Variants in MCF2L2 observed in about 807,000 individuals in gnomAD.
The protein encoded by MCF2L2 is probable guanine nucleotide exchange factor MCF2L2.
In MCF2L2, 102 loss-of-function variants were observed where a neutral mutation model predicts 150.2. That is an observed-to-expected ratio of 0.68 (90% CI 0.58 to 0.80). The LOEUF (loss-of-function observed/expected upper bound fraction) is 0.80, where lower values mean the gene tolerates loss of function less well. Among genes scored for constraint, MCF2L2 ranks in the 30% least tolerant of loss-of-function variants. The pLI is 0.00. For synonymous variants in MCF2L2, 465 were observed against 491.3 expected (o/e 0.95, Z 0.71); for missense variants, 1,256 against 1,372.8 (o/e 0.91, Z 1.34).
At chr3:183,220,972 C>T (rs1401702599) in intron 20 of MCF2L2, among the ~76,000 whole-genome samples, 1 of 152,208 alleles carries the variant, frequency 6.6e-6, no homozygotes, top group Non-Finnish European at 1.5e-5. Flanking sequence ...TATCACTCAT[C>T]ACCCTCTCCC....
At chr3:183,263,428 A>G (rs930423306) in intron 15 of MCF2L2, among the ~76,000 whole-genome samples, 15 of 152,116 alleles carry the variant, frequency 9.9e-5, no homozygotes, top group African/African-American at 3.6e-4. Flanking sequence ...TTCCCCACTT[A>G]GAGCTCCAAG....
At chr3:183,364,606 C>G (rs548141927) in intron 3 of MCF2L2, among the ~76,000 whole-genome samples, 1 of 151,822 alleles carries the variant, frequency 6.6e-6, no homozygotes, top group South Asian at 2.1e-4. Flanking sequence ...AATCAAATTC[C>G]TACTTTTAAA....
intron 5 of MCF2L2, among the ~76,000 whole-genome samples, chr3:183,323,750 T>C (rs1389070876): frequency 6.7e-6 from 1 of 148,682 alleles, no homozygotes; most frequent in Non-Finnish European, 1.5e-5. Context: ...CAAACAGTGA[T>C]CGCACCATGG....
chr3:183,406,173 C>T (rs955698333), intron 1 of MCF2L2, among the ~76,000 whole-genome samples: 1 of 152,166 alleles, frequency 6.6e-6, no homozygotes, highest in Non-Finnish European at 1.5e-5. Flanking sequence ...AACTGTTTTC[C>T]AACATGGCTG....
At position 183,310,131 on chromosome 3, in the gene MCF2L2, C is replaced by G. The variant is rs1408184877; in HGVS notation, c.994-296G>C. On this transcript the variant is annotated intron_variant, in intron 9 of 29. Coordinates refer to ENST00000328913, the MANE Select transcript of MCF2L2 (RefSeq NM_015078.4). ...ATCACAGCACTTTGGGAGGCTGAGGCAGGAGGATTGTTTGTGCTTGGAAGT... is the reference window on the plus strand; with the variant it reads ...ATCACAGCACTTTGGGAGGCTGAGGGAGGAGGATTGTTTGTGCTTGGAAGT... Among the ~76,000 whole-genome samples, 4 of 151,854 alleles carry G rather than the reference C, an allele frequency of 2.6e-5. No homozygotes were observed. The East Asian group carries it at 7.8e-4, about 30-fold the overall frequency.
chr3:183,179,340 G>T lies in MCF2L2; in HGVS notation c.*40C>A. 7.2e-7 allele frequency: 1 copy of T among 1,394,036 alleles called. No individual in the cohort carries two copies. 86.4% of individuals were successfully genotyped at this position (1,394,036 alleles called of 1,614,324 possible). On this transcript the variant is annotated 3_prime_UTR_variant, in exon 30 of 30. Coordinates refer to ENST00000328913, the MANE Select transcript of MCF2L2 (RefSeq NM_015078.4). The surrounding 1 kb of genome is among the most constrained non-coding windows in gnomAD (Gnocchi z 4.2). ...CCACACCGCCTCTCCCGGGAATGCGGGCGCTCTGGAGCCGAGGAGCGGGGG... is the reference window on the plus strand; with the variant it reads ...CCACACCGCCTCTCCCGGGAATGCGTGCGCTCTGGAGCCGAGGAGCGGGGG...
chr3:183,423,321 A>T (rs1353270576), intron 1 of MCF2L2, among the ~76,000 whole-genome samples: 2 of 152,170 alleles, frequency 1.3e-5, no homozygotes, highest in African/African-American at 4.8e-5. Context: ...TTCTGGCTGC[A>T]TGTTATCAAT....
At chr3:183,196,265 G>T (rs966268476) in intron 25 of MCF2L2, among the ~76,000 whole-genome samples, 1 of 151,866 alleles carries the variant, frequency 6.6e-6, no homozygotes, top group African/African-American at 2.4e-5. Flanking sequence ...TCCCTCATTG[G>T]CTCCCAGTGT....
At chr3:183,239,629 T>C (rs1178304650) in intron 15 of MCF2L2, among the ~76,000 whole-genome samples, 1 of 148,332 alleles carries the variant, frequency 6.7e-6, no homozygotes, top group East Asian at 2.0e-4. Context: ...AGGGATCCAG[T>C]CTGCCAGAGG....
rs1169774027 is a variant in MCF2L2, at chr3:183,379,467, T to C, written c.161-56A>G. Reference sequence around the variant, plus strand: ...GCAAAATGTTGTCCTGTCACACCTCTGCAGGGAAGTTGGGCGAAAGAATAT... The same window carrying C: ...GCAAAATGTTGTCCTGTCACACCTCCGCAGGGAAGTTGGGCGAAAGAATAT... On this transcript the variant is annotated intron_variant, in intron 2 of 29. Transcript: ENST00000328913. 2.5e-6 allele frequency: 3 copies of C among 1,224,100 alleles called. No homozygotes were observed. In the Admixed American group the frequency reaches 6.1e-5, roughly 25 times the overall value. 75.8% of individuals were successfully genotyped at this position (1,224,100 alleles called of 1,614,324 possible).
chr3:183,328,380 A>T (rs1180368801), intron 5 of MCF2L2, among the ~76,000 whole-genome samples: 1 of 152,166 alleles, frequency 6.6e-6, no homozygotes, highest in Non-Finnish European at 1.5e-5. Flanking sequence ...GGATGCCCAG[A>T]CTTAAAATTA....
At chr3:183,423,117 G>A (rs1000631308) in intron 1 of MCF2L2, among the ~76,000 whole-genome samples, 1 of 152,150 alleles carries the variant, frequency 6.6e-6, no homozygotes, top group Non-Finnish European at 1.5e-5. Flanking sequence ...TCGAAAAATA[G>A]CCCAAATATA....
chr3:183,356,560 G>C (rs1577087535), intron 3 of MCF2L2, among the ~76,000 whole-genome samples: 3 of 152,006 alleles, frequency 2.0e-5, no homozygotes, highest in Admixed American at 2.0e-4. Flanking sequence ...CCCTAATCAA[G>C]CATCCCTAAA....
chr3:183,343,485 C>T (rs967435346), intron 3 of MCF2L2, among the ~76,000 whole-genome samples: 1 of 151,842 alleles, frequency 6.6e-6, no homozygotes, highest in Non-Finnish European at 1.5e-5. Flanking sequence ...ATTCTCCTAC[C>T]TCAGCCTCCT....
chr3:183,360,989 AAAAGAAAAGAAAAG>A (rs1272983372), intron 3 of MCF2L2, among the ~76,000 whole-genome samples: 1 of 133,540 alleles, frequency 7.5e-6, no homozygotes, highest in Non-Finnish European at 1.5e-5. Context: ...AAAAGAAAAG[AAAAGAAAAGAAAAG>A]AAAAGAAAAG....
At chr3:183,253,670 C>T (rs1724722268) in intron 15 of MCF2L2, 1 of 152,454 alleles carries the variant, frequency 6.6e-6, no homozygotes, top group Admixed American at 6.5e-5. Context: ...AGCTCCCGCT[C>T]GGAAAGTAAA....
At chr3:183,193,507 C>T (rs1721977951) in intron 26 of MCF2L2, among the ~76,000 whole-genome samples, 1 of 152,058 alleles carries the variant, frequency 6.6e-6, no homozygotes, top group Non-Finnish European at 1.5e-5. Context: ...TGTGCCACCA[C>T]ACCCAGCTAA....
intron 14 of MCF2L2, among the ~76,000 whole-genome samples, chr3:183,286,142 C>T (rs1727780105): frequency 6.6e-6 from 1 of 152,144 alleles, no homozygotes; most frequent in Admixed American, 6.5e-5. Flanking sequence ...AAGGATCACC[C>T]CTCCAGAAAA....
At chr3:183,285,929 T>C (rs1221312562) in intron 14 of MCF2L2, among the ~76,000 whole-genome samples, 2 of 152,224 alleles carry the variant, frequency 1.3e-5, no homozygotes, top group East Asian at 3.9e-4. Flanking sequence ...CCGTGAGTCA[T>C]GCTTTCACCT....
Sources: gnomAD v4.1 joint callset for allele counts (sites outside exome capture counted in the v4.1 genomes callset) on GRCh38, gnomAD v4.1.1 for gene constraint, Gnocchi (gnomAD v3.1) non-coding constraint, MANE v1.5 for transcripts, NCBI Gene and HGNC (gene_info 2026-07-23, HGNC 2026-07-21) for gene names.